UBE2QL1: variants seen among roughly 807,000 people sequenced by gnomAD.
UBE2QL1 encodes the protein ubiquitin conjugating enzyme E2 QL1.
Under a neutral mutation model 12.6 loss-of-function variants are expected in UBE2QL1, and 5 were observed. The ratio of observed to expected loss-of-function variants is 0.40; its 90% CI spans 0.21 to 0.83. The LOEUF (loss-of-function observed/expected upper bound fraction) is 0.83. Among genes scored for constraint, UBE2QL1 ranks in the 40% least tolerant of loss-of-function variants. The pLI is 0.37. For missense variants in UBE2QL1, 99 were observed against 222.6 expected, an observed-to-expected ratio of 0.44 and a Z score of 3.53; for synonymous variants, 96 against 94.5, an observed-to-expected ratio of 1.02 and a Z score of -0.10.
intron 1 of UBE2QL1, among the ~76,000 whole-genome samples, chr5:6,456,146 A>C (rs553107759): frequency 6.6e-6 from 1 of 152,244 alleles, no homozygotes; most frequent in Non-Finnish European, 1.5e-5. Flanking sequence ...AGTGCCTGCC[A>C]CAGGGAACGT....
At chr5:6,457,950 G>A (rs1739564645) in intron 1 of UBE2QL1, among the ~76,000 whole-genome samples, 1 of 152,338 alleles carries the variant, frequency 6.6e-6, no homozygotes, top group Non-Finnish European at 1.5e-5. Context: ...TATCAGCAAC[G>A]TTGGACAAAT....
intron 1 of UBE2QL1, among the ~76,000 whole-genome samples, chr5:6,486,956 G>A (rs560140936): frequency 1.3e-5 from 2 of 152,268 alleles, no homozygotes; most frequent in South Asian, 4.2e-4. Context: ...TACCAAGAGT[G>A]AGAGACCCTG....
intron 1 of UBE2QL1, among the ~76,000 whole-genome samples, chr5:6,473,410 G>A (rs553330856): frequency 1.3e-5 from 2 of 152,312 alleles, no homozygotes; most frequent in African/African-American, 4.8e-5. Flanking sequence ...GTGGGTGACA[G>A]CAGGGTGAGG....
rs1734622328 is a variant in UBE2QL1 at position 6,493,862 on chromosome 5, G to C, written c.*2513G>C. On this transcript the variant is annotated 3_prime_UTR_variant, in exon 2 of 2. Coordinates refer to ENST00000399816, the MANE Select transcript of UBE2QL1 (RefSeq NM_001145161.3). ...CACAGGCCTGGCTGCCTGTGCCTTG[G>C]CCACAGCCTCCTTCCACCCCACTGA... is the stretch of plus-strand genomic sequence containing the variant. 1 of 152,168 alleles carries C rather than the reference G, an allele frequency of 6.6e-6. No homozygotes were observed. Among genetic ancestry groups the C allele is most frequent in the Non-Finnish European group, 1.5e-5 (1 of 68,048 alleles). The allele number at this position is 152,168 out of a possible 1,614,324, so 9.4% of individuals were successfully genotyped here. A position where few individuals can be genotyped will look rare whatever the true frequency, so the allele number is the denominator to read the frequency against.
chr5:6,460,166 G>A (rs1235929151), intron 1 of UBE2QL1, among the ~76,000 whole-genome samples: 2 of 152,166 alleles, frequency 1.3e-5, no homozygotes, highest in Non-Finnish European at 2.9e-5. Context: ...CCCCTTCTGA[G>A]TGTGGCTCAC....
chr5:6,465,684 T>A (rs561411758), intron 1 of UBE2QL1, among the ~76,000 whole-genome samples: 1 of 152,168 alleles, frequency 6.6e-6, no homozygotes, highest in African/African-American at 2.4e-5. Context: ...CTGCTCTGTG[T>A]CCTGGAAAGG....
In UBE2QL1 at chr5:6,479,400, AG is replaced by A. The variant is rs1734314210; in HGVS notation, c.355-11816del. 6.6e-6 allele frequency among the ~76,000 whole-genome samples: 1 copy of A among 152,180 alleles called. No homozygotes were observed. The highest frequency in any genetic ancestry group is 1.5e-5 in the Non-Finnish European group (1 of 68,044). On this transcript the variant is annotated intron_variant, in intron 1 of 1. Coordinates refer to ENST00000399816, the MANE Select transcript of UBE2QL1 (RefSeq NM_001145161.3). This position sits in a 1 kb window ranked among gnomAD's most constrained non-coding sequence, Gnocchi z 4.2. ...TTCTTGCAGGTCACTCACTGAGCGT[AG>A]GAGCAGACAGAGCTGACTTCAACTT... is the stretch of plus-strand genomic sequence containing the variant.
chr5:6,489,085 G>A (rs971254272), intron 1 of UBE2QL1, among the ~76,000 whole-genome samples: 3 of 151,990 alleles, frequency 2.0e-5, no homozygotes, highest in Admixed American at 1.3e-4. Context: ...CTTTTCCTCC[G>A]ATCTTCCTTC....
rs957517531 is a variant in UBE2QL1, at chr5:6,492,272, T to C, written c.*923T>C. 5 of 152,252 alleles carry C rather than the reference T, an allele frequency of 3.3e-5. No individual in the cohort carries two copies. The highest frequency in any genetic ancestry group is 1.2e-4 in the African/African-American group (5 of 41,466). 9.4% of individuals were successfully genotyped at this position (152,252 alleles called of 1,614,324 possible). ...ATCTGACTCATTTTAATATCTGTGC[T>C]AGTGACAATGAATGTCAGAACTGCC... On this transcript the variant is annotated 3_prime_UTR_variant, in exon 2 of 2. Transcript: ENST00000399816.
rs1051939562 is a variant in UBE2QL1, at chr5:6,481,924, G to A, written c.355-9294G>A. 3.9e-5 allele frequency among the ~76,000 whole-genome samples: 6 copies of A among 152,250 alleles called. No homozygotes were observed. The South Asian group carries it at 1.0e-3, about 26-fold the overall frequency. ...CAGCTTTATGCCTGCCGTGGGCAGA[G>A]TTATGTCCTCCCCAAAATAGTTGAA... On this transcript the variant is annotated intron_variant, in intron 1 of 1. Transcript: ENST00000399816. This position sits in a 1 kb window ranked among gnomAD's most constrained non-coding sequence, Gnocchi z 4.5.
chr5:6,468,203 C>G (rs1739836697), intron 1 of UBE2QL1, among the ~76,000 whole-genome samples: 3 of 152,198 alleles, frequency 2.0e-5, no homozygotes, highest in Admixed American at 2.0e-4. Flanking sequence ...TTTCCAGCCA[C>G]TGCTGTCTTG....
intron 1 of UBE2QL1, among the ~76,000 whole-genome samples, chr5:6,483,600 G>A (rs553118198): frequency 1.5e-4 from 23 of 152,274 alleles, no homozygotes; most frequent in African/African-American, 5.3e-4. Context: ...TCCTGGACAC[G>A]CACAGCCCTT....
At chr5:6,454,181 C>T (rs1739471071) in intron 1 of UBE2QL1, among the ~76,000 whole-genome samples, 1 of 152,122 alleles carries the variant, frequency 6.6e-6, no homozygotes, top group African/African-American at 2.4e-5. Context: ...CTCACCCAGC[C>T]ATACAACACA....
At chr5:6,468,715 T>C (rs1325824591) in intron 1 of UBE2QL1, among the ~76,000 whole-genome samples, 1 of 152,224 alleles carries the variant, frequency 6.6e-6, no homozygotes, top group Non-Finnish European at 1.5e-5. Flanking sequence ...CTTAGGAGAA[T>C]TTTACTCAGT....
At chr5:6,471,857 C>G (rs1739918898) in intron 1 of UBE2QL1, among the ~76,000 whole-genome samples, 1 of 152,202 alleles carries the variant, frequency 6.6e-6, no homozygotes, top group Non-Finnish European at 1.5e-5. Context: ...CATTTTTACA[C>G]ATGCATAATA....
chr5:6,453,072 TGCA>T (rs900775501), intron 1 of UBE2QL1, among the ~76,000 whole-genome samples: 1 of 152,094 alleles, frequency 6.6e-6, no homozygotes, highest in Non-Finnish European at 1.5e-5. Context: ...TAATAATAAC[TGCA>T]GCAGCAGCAG....
chr5:6,454,164 G>C (rs1004031910), intron 1 of UBE2QL1, among the ~76,000 whole-genome samples: 7 of 152,148 alleles, frequency 4.6e-5, no homozygotes, highest in African/African-American at 1.7e-4. Context: ...TTACAGGTGT[G>C]AGCCACCTCA....
chr5:6,474,573 A>G (rs1440044607), intron 1 of UBE2QL1, among the ~76,000 whole-genome samples: 1 of 152,232 alleles, frequency 6.6e-6, no homozygotes, highest in African/African-American at 2.4e-5. Flanking sequence ...TGAGAATTAG[A>G]TGACATAATG....
chr5:6,472,916 C>G (rs1432370241), intron 1 of UBE2QL1, among the ~76,000 whole-genome samples: 2 of 152,232 alleles, frequency 1.3e-5, no homozygotes, highest in Admixed American at 1.3e-4. Context: ...TTTCATCCAT[C>G]TTGAGCCCTT....
Sources: allele counts gnomAD v4.1 joint callset (sites outside exome capture counted in the v4.1 genomes callset), GRCh38; gene constraint gnomAD v4.1.1; non-coding constraint Gnocchi (gnomAD v3.1); transcripts MANE v1.5; gene names NCBI Gene and HGNC (gene_info 2026-07-23, HGNC 2026-07-21).